PLG: variants seen among roughly 807,000 people sequenced by gnomAD.
The protein encoded by PLG is plasmin.
PLG carries 41 observed loss-of-function variants against 104.4 expected under a neutral mutation model. The ratio of observed to expected loss-of-function variants is 0.39; its 90% CI spans 0.31 to 0.51. The LOEUF is 0.51. Among genes scored for constraint, PLG ranks in the 20% least tolerant of loss-of-function variants. PLG has a pLI of 0.76. For synonymous variants in PLG, 337 were observed against 357.1 expected (o/e 0.94, Z 0.63); for missense variants, 891 against 1,003.6 (o/e 0.89, Z 1.52).
chr6:160,730,349 G>A (rs1777980755), intron 10 of PLG, among the ~76,000 whole-genome samples: 1 of 152,242 alleles, frequency 6.6e-6, no homozygotes, highest in African/African-American at 2.4e-5. Context: ...AGCAGGAGAG[G>A]ATGTCCTGCC....
In PLG at chr6:160,740,225, C is replaced by T. The variant is rs955436083; in HGVS notation, c.2018+1017C>T. Among the ~76,000 whole-genome samples the T allele has an allele frequency of 1.3e-5, 2 of 152,216 alleles. No individual in the cohort carries two copies. The highest frequency in any genetic ancestry group is 6.5e-5 in the Admixed American group (1 of 15,280). The stretch of plus-strand genomic sequence containing the variant: ...GGGGTGATGTCCTGGGATGCTCTGA[C>T]ACTCTAGAAGGAGAGAAGAGCCTTT... On this transcript the variant is annotated intron_variant, in intron 16 of 18. Transcript: ENST00000308192. This position sits in a 1 kb window ranked among gnomAD's most constrained non-coding sequence, Gnocchi z 5.2.
At chr6:160,733,945 C>A in intron 12 of PLG, 50 bp from the exon 13 acceptor site, 1 of 940,756 alleles carries the variant, frequency 1.1e-6, no homozygotes, top group Non-Finnish European at 1.8e-6. Flanking sequence ...AACACCTTCT[C>A]CCTCTCCTGC....
In PLG at chr6:160,734,753, A is replaced by AG. The variant is rs1778057839; in HGVS notation, c.1681+665_1681+666insG. ...AATCCATGGGTATTTCTGAAAAAAA[A>AG]AAAAAAAAAAAGAAAGGAAGCTACT... On this transcript the variant is annotated intron_variant, in intron 13 of 18. Transcript: ENST00000308192. This position sits in a 1 kb window ranked among gnomAD's most constrained non-coding sequence, Gnocchi z 4.4. Among the ~76,000 whole-genome samples, 1 of 151,042 alleles carries AG rather than the reference A, an allele frequency of 6.6e-6. No homozygotes were observed. The highest frequency in any genetic ancestry group is 2.1e-4 in the South Asian group (1 of 4,796).
At position 160,739,067 on chromosome 6, in the gene PLG, G is replaced by A; in HGVS notation, c.1878-1G>A. 6.2e-7 allele frequency: 1 copy of A among 1,613,900 alleles called. No homozygotes were observed. The highest frequency in any genetic ancestry group is 8.5e-7 in the Non-Finnish European group (1 of 1,179,890). On this transcript the variant is annotated splice_acceptor_variant, in intron 15 of 18. Coordinates refer to ENST00000308192, the MANE Select transcript of PLG (RefSeq NM_000301.5). LOFTEE classifies it high-confidence loss of function. This position sits in a 1 kb window ranked among gnomAD's most constrained non-coding sequence, Gnocchi z 4.4. ...CCTCTTGACGTCCTCATCTTTTCTA[G>A]GTCCCCAAGGCCTTCATCCTACAAG... is the stretch of plus-strand genomic sequence containing the variant.
Position 160,719,462 on chromosome 6 carries a change from T to A in PLG, c.1096+624T>A, listed in dbSNP as rs775152195. 5.3e-5 allele frequency among the ~76,000 whole-genome samples: 8 copies of A among 152,216 alleles called. No individual in the cohort carries two copies. The highest frequency in any genetic ancestry group is 1.2e-4 in the Non-Finnish European group (8 of 68,046). ...ATATCTTTTAAATTTGTATGATATATCTTTTAAATTTATCTGAGCTTTTAA... is the reference window on the plus strand; with the variant it reads ...ATATCTTTTAAATTTGTATGATATAACTTTTAAATTTATCTGAGCTTTTAA... On this transcript the variant is annotated intron_variant, in intron 9 of 18. Transcript: ENST00000308192. The surrounding 1 kb of genome is among the most constrained non-coding windows in gnomAD (Gnocchi z 4.1).
chr6:160,706,498 A>G lies in PLG; in HGVS notation c.141A>G (p.Glu47=), dbSNP rs778328614. The change falls in exon 2 of 19, where the codon GAA becomes GAG. Residue 47 remains glutamate, a synonymous_variant. Coordinates refer to ENST00000308192, the MANE Select transcript of PLG (RefSeq NM_000301.5). ...AGCAGCTGGGAGCAGGAAGTATAGA[A>G]GAATGTGCAGCAAAATGTGAGGAGG... ...TKKQLGAGSI[E]ECAAKCEEDE... 6.2e-7 allele frequency: 1 copy of G among 1,613,940 alleles called. No homozygotes were observed. The highest frequency in any genetic ancestry group is 2.2e-5 in the East Asian group (1 of 44,884).
At chr6:160,745,698 ATGCTGGCTTGTT>A (rs1778265755) in intron 17 of PLG, among the ~76,000 whole-genome samples, 1 of 152,100 alleles carries the variant, frequency 6.6e-6, no homozygotes, top group African/African-American at 2.4e-5. Context: ...TTGTGTTGTT[ATGCTGGCTTGTT>A]TGTGTGATGG....
chr6:160,713,259 C>T, intron 5 of PLG, 134 bp downstream of exon 5: 1 of 777,628 alleles, frequency 1.3e-6, no homozygotes, highest in South Asian at 1.5e-5. Flanking sequence ...AGCAAAACCC[C>T]AGAATTAACC....
Position 160,731,684 on chromosome 6 carries a change from G to T in PLG, c.1439-61G>T. ...TAGAGAAACCTGACATGACTGTATT[G>T]ATTCCATATCATCCTGGGTCTCTGT... On this transcript the variant is annotated intron_variant, in intron 11 of 18. Transcript: ENST00000308192. The surrounding 1 kb of genome is among the most constrained non-coding windows in gnomAD (Gnocchi z 5.1). 1.3e-6 allele frequency: 2 copies of T among 1,511,596 alleles called. No homozygotes were observed. The highest frequency in any genetic ancestry group is 1.8e-6 in the Non-Finnish European group (2 of 1,086,892). 93.6% of individuals were successfully genotyped at this position (1,511,596 alleles called of 1,614,324 possible).
At chr6:160,746,092 T>C (rs570577396) in intron 17 of PLG, among the ~76,000 whole-genome samples, 7 of 152,230 alleles carry the variant, frequency 4.6e-5, no homozygotes, top group Admixed American at 3.3e-4. Context: ...GAAAATCTGA[T>C]GATTATGTGT....
intron 17 of PLG, among the ~76,000 whole-genome samples, chr6:160,743,544 T>C (rs1778229410): frequency 6.6e-6 from 1 of 152,220 alleles, no homozygotes; most frequent in Admixed American, 6.5e-5. Flanking sequence ...GATTATCAGC[T>C]GAAGGAGCTT....
intron 5 of PLG, 68 bp downstream of exon 5, chr6:160,713,193 C>A: frequency 2.5e-6 from 3 of 1,207,212 alleles, no homozygotes; most frequent in Non-Finnish European, 2.5e-6. Context: ...GTTGTAAAGC[C>A]CCTTCCCACA....
rs371766900 is a variant in PLG, at chr6:160,738,190, G to A, written c.1803-348G>A. ...TTGTCATAAAAATGAAAGAGGCCTC[G>A]GGGGAAGGTCTTGGGCTGGTGGCTT... On this transcript the variant is annotated intron_variant, in intron 14 of 18. Transcript: ENST00000308192. This position sits in a 1 kb window ranked among gnomAD's most constrained non-coding sequence, Gnocchi z 6.8. Among the ~76,000 whole-genome samples, 93 of 152,276 alleles carry A rather than the reference G, an allele frequency of 6.1e-4. No individual in the cohort carries two copies. Among genetic ancestry groups the A allele is most frequent in the African/African-American group, 2.0e-3 (83 of 41,558 alleles).
At chr6:160,733,868 AG>A (rs371476157) in intron 12 of PLG, 126 bp from the exon 13 acceptor site, 97 of 500,966 alleles carry the variant, frequency 1.9e-4, no homozygotes, top group African/African-American at 6.8e-4. Context: ...AAAAAAAAAA[AG>A]AAGGAAGGAA....
At chr6:160,703,418 C>T (rs1246680577) in intron 1 of PLG, among the ~76,000 whole-genome samples, 1 of 152,218 alleles carries the variant, frequency 6.6e-6, no homozygotes, top group Non-Finnish European at 1.5e-5. Context: ...ACGCACTCCA[C>T]TCTCCTTAGC....
chr6:160,741,738 T>C lies in PLG; in HGVS notation c.2125+321T>C, dbSNP rs1357943501. ...TGTATATGTAAACAGTGGTTTGTCA[T>C]GCAGATTATTTTGTCACCTAGGTAC... On this transcript the variant is annotated intron_variant, in intron 17 of 18. Coordinates refer to ENST00000308192, the MANE Select transcript of PLG (RefSeq NM_000301.5). This position sits in a 1 kb window ranked among gnomAD's most constrained non-coding sequence, Gnocchi z 4.7. Among the ~76,000 whole-genome samples, 1 of 152,206 alleles carries C rather than the reference T, an allele frequency of 6.6e-6. No individual in the cohort carries two copies. The highest frequency in any genetic ancestry group is 1.5e-5 in the Non-Finnish European group (1 of 68,040).
At chr6:160,707,861 C>CCTCTTTCT (rs1440813643) in intron 3 of PLG, 55 bp downstream of exon 3, 1 of 1,162,306 alleles carries the variant, frequency 8.6e-7, no homozygotes, top group Non-Finnish European at 1.3e-6. Context: ...TCCCACTCTT[C>CCTCTTTCT]CTCTTTCTCT....
rs137892829 is a variant in PLG, at chr6:160,716,990, T to G, written c.787+227T>G. On this transcript the variant is annotated intron_variant, in intron 7 of 18. Transcript: ENST00000308192. ...TATCATGTTTTTCTTTCTTTGCAAC[T>G]GAAACTTCTGCCTCAGGAGTTCACT... 1.2e-4 allele frequency among the ~76,000 whole-genome samples: 18 copies of G among 152,356 alleles called. No homozygotes were observed. The East Asian group carries it at 3.5e-3, about 29-fold the overall frequency.
intron 4 of PLG, chr6:160,711,497 A>G (rs1777641246): frequency 7.1e-7 from 1 of 1,407,798 alleles, no homozygotes; most frequent in South Asian, 1.3e-5. Flanking sequence ...GAATTTGTGG[A>G]TCTGGAACCC....
Sources: allele counts gnomAD v4.1 joint callset (sites outside exome capture counted in the v4.1 genomes callset), GRCh38; gene constraint gnomAD v4.1.1; non-coding constraint Gnocchi (gnomAD v3.1); transcripts MANE v1.5; gene names NCBI Gene and HGNC (gene_info 2026-07-23, HGNC 2026-07-21).